The following XKR6 variants were observed in gnomAD, a reference collection of about 807,000 sequenced individuals.
The protein encoded by XKR6 is XK related 6.
A neutral mutation model predicts 56.7 loss-of-function variants in XKR6; 22 were observed. The observed-to-expected ratio is 0.39, with a 90% CI of 0.28 to 0.55. The LOEUF (loss-of-function observed/expected upper bound fraction) is 0.55. XKR6 is among the 20% of genes least tolerant of loss of function. XKR6 has a pLI of 0.66. For missense variants in XKR6, 852 were observed against 889.0 expected, an observed-to-expected ratio of 0.96 and a Z score of 0.53; for synonymous variants, 524 against 387.8, an observed-to-expected ratio of 1.35 and a Z score of -4.13.
intron 1 of XKR6, among the ~76,000 whole-genome samples, chr8:11,102,650 T>C (rs562036156): frequency 2.5e-4 from 38 of 152,140 alleles, no homozygotes; most frequent in African/African-American, 8.9e-4. Flanking sequence ...AGTGTAAGTG[T>C]GCTAAAACAG....
intron 1 of XKR6, among the ~76,000 whole-genome samples, chr8:11,071,138 T>C (rs997564218): frequency 1.3e-5 from 2 of 152,196 alleles, no homozygotes; most frequent in African/African-American, 2.4e-5. Context: ...AGCTGGACCC[T>C]GGGTGGGCAA....
intron 1 of XKR6, among the ~76,000 whole-genome samples, chr8:11,162,369 G>A (rs1801855968): frequency 6.6e-6 from 1 of 152,058 alleles, no homozygotes. Context: ...TCCAGCTTTA[G>A]GGCCTTAATT....
rs184515287 is a variant in XKR6 at position 10,943,955 on chromosome 8, T to A, written c.765-19125A>T. Among the ~76,000 whole-genome samples, 96 of 152,240 alleles carry A rather than the reference T, an allele frequency of 6.3e-4. 1 individual carries two copies. Among genetic ancestry groups the A allele is most frequent in the African/African-American group, 2.2e-3 (93 of 41,546 alleles). ...AGGCGGAAGTCTCCCCCTGCCCGGATGTGGTGCTTGCCTCTGTTTCCCACC... is the reference window on the plus strand; with the variant it reads ...AGGCGGAAGTCTCCCCCTGCCCGGAAGTGGTGCTTGCCTCTGTTTCCCACC... On this transcript the variant is annotated intron_variant, in intron 1 of 2. Transcript: ENST00000416569.
At chr8:10,913,772 G>A (rs1165132913) in intron 2 of XKR6, among the ~76,000 whole-genome samples, 1 of 152,206 alleles carries the variant, frequency 6.6e-6, no homozygotes, top group Non-Finnish European at 1.5e-5. Flanking sequence ...CCAGGTGACA[G>A]GAAGGCTGCA....
intron 1 of XKR6, among the ~76,000 whole-genome samples, chr8:11,151,224 G>T (rs73665012): frequency 0.023 from 3,517 of 152,234 alleles, 155 homozygotes; most frequent in African/African-American, 0.078. Flanking sequence ...TTCTACTAGT[G>T]AAAGTATGCA....
intron 1 of XKR6, among the ~76,000 whole-genome samples, chr8:11,037,198 T>C (rs931274429): frequency 7.9e-5 from 12 of 152,242 alleles, no homozygotes; most frequent in Non-Finnish European, 1.5e-4. Context: ...CCACCACTTA[T>C]GTGATTACAT....
chr8:11,049,811 C>T (rs1335620461), intron 1 of XKR6, among the ~76,000 whole-genome samples: 1 of 152,204 alleles, frequency 6.6e-6, no homozygotes, highest in Non-Finnish European at 1.5e-5. Context: ...TCTTTTCCTA[C>T]TTAGCTTTAA....
chr8:11,097,756 A>G (rs979757303), intron 1 of XKR6, among the ~76,000 whole-genome samples: 2 of 148,866 alleles, frequency 1.3e-5, no homozygotes, highest in Non-Finnish European at 3.0e-5. Context: ...GCAGTGAGCC[A>G]AGATCACGCC....
chr8:10,954,866 C>CTCTTTTTTTTTTTTTTTT (rs1563309729), intron 1 of XKR6, among the ~76,000 whole-genome samples: 62 of 92,786 alleles, frequency 6.7e-4, no homozygotes, highest in Non-Finnish European at 1.1e-3. Flanking sequence ...ACTTCATTCT[C>CTCTTTTTTTTTTTTTTTT]TTTTTTTTTT....
At chr8:11,085,509 C>A (rs1797857465) in intron 1 of XKR6, among the ~76,000 whole-genome samples, 1 of 152,024 alleles carries the variant, frequency 6.6e-6, no homozygotes, top group South Asian at 2.1e-4. Context: ...CATGCGTGGG[C>A]TGCATTAATC....
chr8:10,906,872 A>G (rs1378470770), intron 2 of XKR6, among the ~76,000 whole-genome samples: 5 of 152,186 alleles, frequency 3.3e-5, no homozygotes, highest in African/African-American at 7.2e-5. Flanking sequence ...CCATGTATTT[A>G]GTCTCCACTA....
chr8:10,986,194 A>G lies in XKR6; in HGVS notation c.765-61364T>C, dbSNP rs113638282. ...TCAAATCAGAGGAGTAGATTATTTA[A>G]TAAGTGATGGTGGCCCAGATGATTC... On this transcript the variant is annotated intron_variant, in intron 1 of 2. Coordinates refer to ENST00000416569, the MANE Select transcript of XKR6 (RefSeq NM_173683.4). 3.9e-3 allele frequency among the ~76,000 whole-genome samples: 599 copies of G among 152,360 alleles called. 8 individuals carry two copies. Among genetic ancestry groups the G allele is most frequent in the African/African-American group, 0.014 (574 of 41,590 alleles).
At chr8:10,901,827 G>A (rs1326219661) in intron 2 of XKR6, among the ~76,000 whole-genome samples, 2 of 152,204 alleles carry the variant, frequency 1.3e-5, no homozygotes. Flanking sequence ...GACTTGGGGT[G>A]CAGAGTTAGG....
chr8:10,924,695 C>T lies in XKR6; in HGVS notation c.900G>A (p.Ala300=), dbSNP rs781485791. Residue 300 remains alanine (A), a synonymous_variant, in exon 2 of 3, where the codon GCG becomes GCA. Coordinates refer to ENST00000416569, the MANE Select transcript of XKR6 (RefSeq NM_173683.4). The part of the protein sequence containing the change: ...LRLLETFLES[A]PQLVLQLYIM... The stretch of plus-strand genomic sequence containing the variant: ...TGTAGAGCTGTAGCACCAGTTGGGG[C>T]GCGCTCTCCAGGAAGGTCTCCAGGA... The T allele has an allele frequency of 1.7e-5, 28 of 1,613,194 alleles. No individual in the cohort carries two copies. The highest frequency in any genetic ancestry group is 6.7e-5 in the East Asian group (3 of 44,884).
At chr8:11,000,954 C>T (rs1401654146) in intron 1 of XKR6, among the ~76,000 whole-genome samples, 4 of 152,146 alleles carry the variant, frequency 2.6e-5, no homozygotes, top group African/African-American at 9.7e-5. Flanking sequence ...TCAGCCTTTG[C>T]TTTTCTGGCA....
intron 1 of XKR6, among the ~76,000 whole-genome samples, chr8:11,143,994 G>A (rs989501479): frequency 6.6e-6 from 1 of 152,042 alleles, no homozygotes; most frequent in Non-Finnish European, 1.5e-5. Flanking sequence ...CTGTGCATGT[G>A]TGTCCCTGGG....
chr8:11,057,498 G>A lies in XKR6; in HGVS notation c.765-132668C>T, dbSNP rs368717148. ...GTGTTCTGCCCTTGTCAAGTGCATC[G>A]TCGTGGCTCATCCTCACGACAACAC... On this transcript the variant is annotated intron_variant, in intron 1 of 2. Coordinates refer to ENST00000416569, the MANE Select transcript of XKR6 (RefSeq NM_173683.4). Among the ~76,000 whole-genome samples, 14 of 152,326 alleles carry A rather than the reference G, an allele frequency of 9.2e-5. No individual in the cohort carries two copies. In the East Asian group the frequency reaches 1.4e-3, roughly 15 times the overall value.
chr8:11,084,041 T>G (rs1797808772), intron 1 of XKR6, among the ~76,000 whole-genome samples: 1 of 152,246 alleles, frequency 6.6e-6, no homozygotes, highest in African/African-American at 2.4e-5. Context: ...AGTCCTGGCT[T>G]CCAGCCCTGT....
intron 1 of XKR6, among the ~76,000 whole-genome samples, chr8:11,061,342 T>A (rs1453034292): frequency 6.6e-6 from 1 of 152,072 alleles, no homozygotes; most frequent in Non-Finnish European, 1.5e-5. Context: ...GGTGTGCACC[T>A]GTAGTCCCAG....
Sources: allele counts gnomAD v4.1 joint callset (sites outside exome capture counted in the v4.1 genomes callset), GRCh38; gene constraint gnomAD v4.1.1; transcripts MANE v1.5; gene names NCBI Gene and HGNC (gene_info 2026-07-23, HGNC 2026-07-21).